Variants in NXPH1 observed in about 807,000 individuals in gnomAD.
NXPH1 encodes the protein neurexophilin-1.
Under a neutral mutation model 23.7 loss-of-function variants are expected in NXPH1, and 5 were observed. That is an observed-to-expected ratio of 0.21 (90% CI 0.11 to 0.44). The LOEUF is 0.44. NXPH1 is among the 20% of genes least tolerant of loss of function. The pLI, the probability that NXPH1 is intolerant of heterozygous loss-of-function variation, is 0.99. For missense variants in NXPH1, 324 were observed against 321.6 expected, an observed-to-expected ratio of 1.01 and a Z score of -0.06; for synonymous variants, 144 against 122.2, an observed-to-expected ratio of 1.18 and a Z score of -1.18.
intron 2 of NXPH1, among the ~76,000 whole-genome samples, chr7:8,526,576 T>C (rs1189180346): frequency 6.6e-6 from 1 of 152,158 alleles, no homozygotes; most frequent in Non-Finnish European, 1.5e-5. Flanking sequence ...AATTCCCACA[T>C]GTTGTGGGAG....
intron 2 of NXPH1, among the ~76,000 whole-genome samples, chr7:8,633,814 A>C (rs10246114): frequency 0.27 from 41,684 of 152,044 alleles, 6,149 homozygotes; most frequent in African/African-American, 0.35. Flanking sequence ...GGATGACAAA[A>C]CTGAGGTCTG....
intron 2 of NXPH1, among the ~76,000 whole-genome samples, chr7:8,706,884 T>G (rs1336567772): frequency 6.6e-6 from 1 of 152,112 alleles, no homozygotes; most frequent in Non-Finnish European, 1.5e-5. Context: ...CTAAAAAATG[T>G]TTTTGAGATG....
At chr7:8,491,357 G>T (rs1404575361) in intron 2 of NXPH1, among the ~76,000 whole-genome samples, 1 of 151,924 alleles carries the variant, frequency 6.6e-6, no homozygotes, top group Admixed American at 6.6e-5. Flanking sequence ...CCTTGAAAAA[G>T]GGTAAAGAGT....
chr7:8,524,302 G>T lies in NXPH1; in HGVS notation c.54+88535G>T, dbSNP rs569366348. On this transcript the variant is annotated intron_variant, in intron 2 of 2. Transcript: ENST00000405863. ...TCATACTTGTGAATCCTTATAGAAT[G>T]AATGTAGTGACCCCAACAAATCTTG... Among the ~76,000 whole-genome samples, 7 of 145,508 alleles carry T rather than the reference G, an allele frequency of 4.8e-5. No homozygotes were observed. The East Asian group carries it at 1.5e-3, about 30-fold the overall frequency.
intron 2 of NXPH1, among the ~76,000 whole-genome samples, chr7:8,527,343 G>A (rs1372454577): frequency 6.6e-6 from 1 of 152,180 alleles, no homozygotes; most frequent in Non-Finnish European, 1.5e-5. Flanking sequence ...TGGACAGTAG[G>A]CAGAAGGGGG....
chr7:8,644,438 A>C (rs946369593), intron 2 of NXPH1, among the ~76,000 whole-genome samples: 2 of 152,208 alleles, frequency 1.3e-5, no homozygotes, highest in Middle Eastern at 3.4e-3. Context: ...TTTCGGTTGA[A>C]GTTTTTTCAC....
At chr7:8,550,472 A>C (rs1488314078) in intron 2 of NXPH1, among the ~76,000 whole-genome samples, 1 of 151,560 alleles carries the variant, frequency 6.6e-6, no homozygotes, top group Admixed American at 6.6e-5. Flanking sequence ...TCTTTTTTTC[A>C]GAGGCAAAGA....
intron 2 of NXPH1, among the ~76,000 whole-genome samples, chr7:8,460,366 C>T (rs151061600): frequency 9.2e-5 from 14 of 152,220 alleles, no homozygotes; most frequent in African/African-American, 3.4e-4. Context: ...TATCTTTCCT[C>T]GTCCATTTAG....
At chr7:8,459,996 G>T (rs933778361) in intron 2 of NXPH1, among the ~76,000 whole-genome samples, 13 of 152,094 alleles carry the variant, frequency 8.5e-5, no homozygotes, top group African/African-American at 3.1e-4. Flanking sequence ...CTTTCTGTAG[G>T]ATTACATTTC....
chr7:8,473,550 T>C (rs1219902268), intron 2 of NXPH1, among the ~76,000 whole-genome samples: 1 of 152,148 alleles, frequency 6.6e-6, no homozygotes, highest in East Asian at 1.9e-4. Flanking sequence ...ATGTAACTTA[T>C]TATTGTACTG....
At chr7:8,547,626 G>A (rs6945110) in intron 2 of NXPH1, among the ~76,000 whole-genome samples, 66,287 of 150,886 alleles carry the variant, frequency 0.44, 15,930 homozygotes, top group African/African-American at 0.64. Flanking sequence ...CCCCTAGGTA[G>A]TTTTTAAACC....
intron 2 of NXPH1, among the ~76,000 whole-genome samples, chr7:8,449,982 A>C (rs1816476715): frequency 6.6e-6 from 1 of 152,224 alleles, no homozygotes. Flanking sequence ...CAAGCATTTT[A>C]GGAAGTCTGC....
At chr7:8,595,990 C>A (rs1819214045) in intron 2 of NXPH1, among the ~76,000 whole-genome samples, 1 of 151,962 alleles carries the variant, frequency 6.6e-6, no homozygotes, top group Non-Finnish European at 1.5e-5. Context: ...TACTGACATT[C>A]GGATCCCTTT....
chr7:8,594,246 C>G (rs1267073041), intron 2 of NXPH1, among the ~76,000 whole-genome samples: 1 of 152,042 alleles, frequency 6.6e-6, no homozygotes, highest in Non-Finnish European at 1.5e-5. Context: ...GTCTTTTTCA[C>G]TCTGTAGTAT....
At chr7:8,619,600 C>T (rs983079334) in intron 2 of NXPH1, among the ~76,000 whole-genome samples, 1 of 152,090 alleles carries the variant, frequency 6.6e-6, no homozygotes. Context: ...CTCACTGACT[C>T]TTGTGGATTT....
Position 8,467,615 on chromosome 7 carries a change from C to A in NXPH1, c.54+31848C>A, listed in dbSNP as rs187215396. Among the ~76,000 whole-genome samples, 197 of 152,210 alleles carry A rather than the reference C, an allele frequency of 1.3e-3. 1 individual carries two copies. The highest frequency in any genetic ancestry group is 4.5e-3 in the African/African-American group (188 of 41,534). ...GGTGGGGGCTAGCACATACCTTTGACTGGGCTTCTTAACCTGTAAATGAAA... is the reference window on the plus strand; with the variant it reads ...GGTGGGGGCTAGCACATACCTTTGAATGGGCTTCTTAACCTGTAAATGAAA... On this transcript the variant is annotated intron_variant, in intron 2 of 2. Coordinates refer to ENST00000405863, the MANE Select transcript of NXPH1 (RefSeq NM_152745.3).
intron 2 of NXPH1, among the ~76,000 whole-genome samples, chr7:8,677,595 G>A (rs576171267): frequency 1.9e-3 from 291 of 152,260 alleles, no homozygotes; most frequent in Non-Finnish European, 3.1e-3. Context: ...TGAAGTCTGA[G>A]AAAAGCTCCT....
At chr7:8,587,821 T>A (rs1819010202) in intron 2 of NXPH1, among the ~76,000 whole-genome samples, 3 of 152,194 alleles carry the variant, frequency 2.0e-5, no homozygotes, top group Non-Finnish European at 4.4e-5. Context: ...GAACTCATCC[T>A]TTTTTATGGC....
Position 8,435,846 on chromosome 7 carries a change from G to A in NXPH1, c.54+79G>A. On this transcript the variant is annotated intron_variant, in intron 2 of 2. Coordinates refer to ENST00000405863, the MANE Select transcript of NXPH1 (RefSeq NM_152745.3). This position sits in a 1 kb window ranked among gnomAD's most constrained non-coding sequence, Gnocchi z 5.9. ...GGAAACTGGGGACACGCGGGAGAAG[G>A]GTTACGCCGCCAGTTCAGTGAGAGC... 2 of 1,340,414 alleles carry A rather than the reference G, an allele frequency of 1.5e-6. 1 individual carries two copies. Among genetic ancestry groups the A allele is most frequent in the South Asian group, 2.3e-5 (2 of 85,452 alleles). The allele number at this position is 1,340,414 out of a possible 1,614,324, so 83.0% of individuals were successfully genotyped here.
Sources: allele counts gnomAD v4.1 joint callset (sites outside exome capture counted in the v4.1 genomes callset), GRCh38; gene constraint gnomAD v4.1.1; non-coding constraint Gnocchi (gnomAD v3.1); transcripts MANE v1.5; gene names NCBI Gene and HGNC (gene_info 2026-07-23, HGNC 2026-07-21).